The following GFM1 variants were observed in gnomAD, a reference collection of about 807,000 sequenced individuals.
GFM1 encodes the protein elongation factor G, mitochondrial.
Under a neutral mutation model 96.2 loss-of-function variants are expected in GFM1, and 62 were observed. The observed-to-expected ratio is 0.64, with a 90% CI of 0.53 to 0.80. The LOEUF (loss-of-function observed/expected upper bound fraction) is 0.80. Ranked by LOEUF, GFM1 falls within the 30% of genes least tolerant of loss-of-function variation. The probability of loss-of-function intolerance (pLI) is 0.00; values close to 1 mark genes in which losing one functional copy is unlikely to be tolerated. For synonymous variants in GFM1, 282 were observed against 312.9 expected, an observed-to-expected ratio of 0.90 and a Z score of 1.04; for missense variants, 852 against 916.6, an observed-to-expected ratio of 0.93 and a Z score of 0.91.
chr3:158,646,141 C>G, intron 2 of GFM1, 24 bp from the exon 3 acceptor site: 1 of 1,613,944 alleles, frequency 6.2e-7, no homozygotes, highest in Non-Finnish European at 8.5e-7. Flanking sequence ...CAGAGAAAGT[C>G]TGAATTGCTG....
In GFM1 at chr3:158,646,229, T is replaced by C; in HGVS notation, c.299T>C (p.Ile100Thr). ...ATGGAACTAGAGAGACAAAGAGGAA[T>C]CACTATTCAGTCAGCAGCCACTTAC... Reference protein sequence around the residue: ...DSMELERQRGITIQSAATYTM... With the variant: ...DSMELERQRGTTIQSAATYTM... The change falls in exon 3 of 18, where the codon ATC becomes ACC. Residue 100 changes from isoleucine (I) to threonine (T), a missense_variant. Physicochemically the swap from Ile to Thr is moderately conservative, Grantham distance 89. Transcript: ENST00000486715. 1 of 1,613,894 alleles carries C rather than the reference T, an allele frequency of 6.2e-7. No individual in the cohort carries two copies. The highest frequency in any genetic ancestry group is 8.5e-7 in the Non-Finnish European group (1 of 1,179,776).
intron 14 of GFM1, among the ~76,000 whole-genome samples, chr3:158,683,122 C>G (rs1236132373): frequency 6.7e-6 from 1 of 149,986 alleles, no homozygotes; most frequent in Non-Finnish European, 1.5e-5. Context: ...CTTAGAAGAT[C>G]TTATTAACAG....
At chr3:158,682,948 T>A (rs1416187855) in intron 14 of GFM1, among the ~76,000 whole-genome samples, 1 of 151,850 alleles carries the variant, frequency 6.6e-6, no homozygotes, top group African/African-American at 2.4e-5. Context: ...GATGGGAGGA[T>A]TGCTTGAGCC....
chr3:158,659,280 A>G (rs898851646), intron 9 of GFM1, among the ~76,000 whole-genome samples: 30 of 152,172 alleles, frequency 2.0e-4, no homozygotes, highest in Non-Finnish European at 3.8e-4. Context: ...TGAATTAGCT[A>G]TATTTTCTCA....
intron 13 of GFM1, among the ~76,000 whole-genome samples, chr3:158,674,401 C>T (rs1020881495): frequency 2.6e-5 from 4 of 152,074 alleles, no homozygotes; most frequent in Admixed American, 2.6e-4. Context: ...CCCTGACCCA[C>T]CCATGGCAAT....
chr3:158,665,371 G>A lies in GFM1; in HGVS notation c.1415G>A (p.Arg472Lys), dbSNP rs796260169. ...GAAAAATTTTCAAAAGGTATTGGCA[G>A]GTTTACAAGAGAAGATCCCACATTT... ...DLEKFSKGIGRFTREDPTFKV... is the reference protein window; with the variant it reads ...DLEKFSKGIGKFTREDPTFKV... The change falls in exon 12 of 18, where the codon AGG (arginine) becomes AAG (lysine). Residue 472 changes from arginine to lysine, a missense_variant. Arg to Lys is a conservative substitution (Grantham distance 26). Coordinates refer to ENST00000486715, the MANE Select transcript of GFM1 (RefSeq NM_024996.7). 3.7e-6 allele frequency: 6 copies of A among 1,610,714 alleles called. No homozygotes were observed. In the Admixed American group the frequency reaches 5.0e-5, roughly 13 times the overall value.
At chr3:158,669,254 G>A in intron 13 of GFM1, 1 of 1,231,266 alleles carries the variant, frequency 8.1e-7, no homozygotes, top group Non-Finnish European at 1.1e-6. Context: ...ATTTAATTAA[G>A]CTATGGATCT....
chr3:158,653,087 G>A (rs971397498), intron 6 of GFM1, among the ~76,000 whole-genome samples: 3 of 152,122 alleles, frequency 2.0e-5, no homozygotes, highest in Non-Finnish European at 4.4e-5. Flanking sequence ...CAAGAGTGTC[G>A]AAAGCAGTTG....
rs373030031 is a variant in GFM1, at chr3:158,652,079, A to G, written c.690-17A>G. ...AAGTTGAATATCCTTAAAGCACCAA[A>G]ATATTTGCTTTCTTAGTCAGATTGT... is the stretch of plus-strand genomic sequence containing the variant. On this transcript the variant is annotated splice_polypyrimidine_tract_variant and intron_variant, in intron 5 of 17. Coordinates refer to ENST00000486715, the MANE Select transcript of GFM1 (RefSeq NM_024996.7). The G allele has an allele frequency of 4.6e-5, 74 of 1,612,630 alleles. No homozygotes were observed. Among genetic ancestry groups the G allele is most frequent in the Non-Finnish European group, 6.2e-5 (73 of 1,178,786 alleles).
chr3:158,652,007 ATAT>A (rs1306334001), intron 5 of GFM1, 86 bp from the exon 6 acceptor site: 28 of 1,157,712 alleles, frequency 2.4e-5, no homozygotes, highest in Non-Finnish European at 3.1e-5. Context: ...ACCTAAAAAA[ATAT>A]TTTAACCATT....
At chr3:158,686,651 ATAT>A (rs57632649) in intron 15 of GFM1, among the ~76,000 whole-genome samples, 60,564 of 146,934 alleles carry the variant, frequency 0.41, 13,602 homozygotes, top group African/African-American at 0.6. Flanking sequence ...TATAGTATAT[ATAT>A]TATTAAGTAT....
chr3:158,678,217 A>C (rs1213075579), intron 13 of GFM1, among the ~76,000 whole-genome samples: 1 of 152,332 alleles, frequency 6.6e-6, no homozygotes, highest in East Asian at 1.9e-4. Flanking sequence ...TGTTGTTTCC[A>C]TGCCCGCCAA....
Position 158,649,809 on chromosome 3 carries a change from G to T in GFM1, c.689+652G>T, listed in dbSNP as rs149175924. 3.0e-4 allele frequency: 169 copies of T among 558,772 alleles called. No individual in the cohort carries two copies. In the East Asian group the frequency reaches 4.5e-3, roughly 15 times the overall value. The allele number at this position is 558,772 out of a possible 1,614,324, so 34.6% of individuals were successfully genotyped here. A position where few individuals can be genotyped will look rare whatever the true frequency, so the allele number is the denominator to read the frequency against. ...GACTTTGTTAAAAGACATAGTCCTG[G>T]CTCTACCTCCAGAGATTCTGATCAG... is the stretch of plus-strand genomic sequence containing the variant. On this transcript the variant is annotated intron_variant, in intron 5 of 17. Transcript: ENST00000486715.
intron 7 of GFM1, among the ~76,000 whole-genome samples, 163 bp downstream of exon 7, chr3:158,653,630 T>C (rs182872711): frequency 1.3e-5 from 2 of 152,286 alleles, no homozygotes; most frequent in Admixed American, 1.3e-4. Context: ...TAGAAAAATA[T>C]TTATTATACT....
At chr3:158,650,345 G>A in intron 5 of GFM1, 2 of 319,360 alleles carry the variant, frequency 6.3e-6, no homozygotes, top group African/African-American at 2.1e-5. Flanking sequence ...TACATAATAG[G>A]GACTCAAAAA....
intron 13 of GFM1, chr3:158,672,376 G>T: frequency 6.2e-7 from 1 of 1,613,962 alleles, no homozygotes; most frequent in Non-Finnish European, 8.5e-7. Context: ...TTGACCTTCT[G>T]CACCTCAAAC....
At chr3:158,669,403 A>T in intron 13 of GFM1, 2 of 1,578,254 alleles carry the variant, frequency 1.3e-6, no homozygotes, top group Non-Finnish European at 1.7e-6. Context: ...TTTGAATCAA[A>T]CAAATGGTTT....
intron 14 of GFM1, among the ~76,000 whole-genome samples, chr3:158,684,257 T>G (rs528203910): frequency 6.6e-6 from 1 of 152,182 alleles, no homozygotes; most frequent in East Asian, 1.9e-4. Flanking sequence ...GGTACCAGGC[T>G]TAATACCTGA....
intron 13 of GFM1, among the ~76,000 whole-genome samples, chr3:158,667,507 C>T (rs757302615): frequency 2.0e-5 from 3 of 152,128 alleles, no homozygotes; most frequent in Non-Finnish European, 4.4e-5. Context: ...AAAATAAGGC[C>T]GAGCACAGTG....
Sources: gnomAD v4.1 joint callset for allele counts (sites outside exome capture counted in the v4.1 genomes callset) on GRCh38, gnomAD v4.1.1 for gene constraint, MANE v1.5 for transcripts, NCBI Gene and HGNC (gene_info 2026-07-23, HGNC 2026-07-21) for gene names.